CFAP61: variants seen among roughly 807,000 people sequenced by gnomAD.
CFAP61 encodes the protein cilia- and flagella-associated protein 61.
Under a neutral mutation model 135.6 loss-of-function variants are expected in CFAP61, and 107 were observed. The ratio of observed to expected loss-of-function variants is 0.79; its 90% CI spans 0.67 to 0.93. The LOEUF (loss-of-function observed/expected upper bound fraction) is 0.93. Among genes scored for constraint, CFAP61 ranks in the 40% least tolerant of loss-of-function variants. CFAP61 has a pLI of 0.00. For missense variants in CFAP61, 1,507 were observed against 1,556.2 expected, an observed-to-expected ratio of 0.97 and a Z score of 0.53; for synonymous variants, 575 against 578.5, an observed-to-expected ratio of 0.99 and a Z score of 0.09.
At position 20,075,615 on chromosome 20, in the gene CFAP61, G is replaced by C; in HGVS notation, c.566G>C (p.Arg189Thr). ...CCTCAGCTGCACGTTCGCAAAGCCA[G>C]GTACAGTTGGAGTCATGCCTTGTGT... ...HYPQLHVRKA[R>T]VEDHDDLMPI... Residue 189 changes from arginine (R) to threonine (T), a missense_variant and splice_region_variant, in exon 6 of 27, where the codon AGG becomes ACG. Coordinates refer to ENST00000245957, the MANE Select transcript of CFAP61 (RefSeq NM_015585.4). The C allele has an allele frequency of 6.2e-7, 1 of 1,614,062 alleles. No homozygotes were observed. The highest frequency in any genetic ancestry group is 8.5e-7 in the Non-Finnish European group (1 of 1,179,928).
intron 18 of CFAP61, among the ~76,000 whole-genome samples, chr20:20,238,338 G>A (rs1292469403): frequency 6.6e-6 from 1 of 152,146 alleles, no homozygotes; most frequent in East Asian, 1.9e-4. Flanking sequence ...ATGTAGATAG[G>A]TTAAATATCT....
rs750350628 is a variant in CFAP61 at position 20,298,141 on chromosome 20, G to A, written c.3217-40G>A. ...GATAAAGTTCCCAAAATCCAGGAAT[G>A]TTTCTAATGTTGTTTTTCTTGTCCA... is the stretch of plus-strand genomic sequence containing the variant. On this transcript the variant is annotated intron_variant, in intron 24 of 26. Coordinates refer to ENST00000245957, the MANE Select transcript of CFAP61 (RefSeq NM_015585.4). The A allele has an allele frequency of 9.9e-6, 14 of 1,408,228 alleles. No individual in the cohort carries two copies. The South Asian group carries it at 1.0e-4, about 10-fold the overall frequency. The allele number at this position is 1,408,228 out of a possible 1,614,324, so 87.2% of individuals were successfully genotyped here.
intron 25 of CFAP61, among the ~76,000 whole-genome samples, chr20:20,323,540 G>T (rs576953878): frequency 6.6e-6 from 1 of 152,304 alleles, no homozygotes; most frequent in African/African-American, 2.4e-5. Context: ...TGATGGCTAA[G>T]ATGTAAACAG....
chr20:20,296,368 ATCCCTCCT>A (rs1416124539), intron 24 of CFAP61, among the ~76,000 whole-genome samples: 17 of 35,250 alleles, frequency 4.8e-4, no homozygotes, highest in Middle Eastern at 0.026. Flanking sequence ...TCCTTTCTTC[ATCCCTCCT>A]TCCCTCCCTC....
intron 8 of CFAP61, among the ~76,000 whole-genome samples, chr20:20,131,315 C>T (rs939669869): frequency 1.4e-5 from 2 of 141,718 alleles, no homozygotes; most frequent in African/African-American, 2.8e-5. Context: ...TTTTTAATTG[C>T]AGTTTATAAT....
chr20:20,080,996 A>G (rs897016106), intron 6 of CFAP61, among the ~76,000 whole-genome samples: 7 of 151,776 alleles, frequency 4.6e-5, no homozygotes, highest in African/African-American at 1.7e-4. Context: ...GCAAGACTCC[A>G]TCTCAAAAAA....
intron 6 of CFAP61, among the ~76,000 whole-genome samples, chr20:20,077,980 A>C (rs1471072203): frequency 6.6e-6 from 1 of 152,236 alleles, no homozygotes; most frequent in Non-Finnish European, 1.5e-5. Context: ...TTCACCACAG[A>C]ATGTAGAATT....
intron 13 of CFAP61, among the ~76,000 whole-genome samples, chr20:20,177,152 A>T (rs2054694209): frequency 6.6e-6 from 1 of 151,422 alleles, no homozygotes; most frequent in Admixed American, 6.6e-5. Flanking sequence ...AGTTTTACAT[A>T]TTTTTTTTCT....
At chr20:20,274,682 A>C (rs1333268512) in intron 21 of CFAP61, among the ~76,000 whole-genome samples, 1 of 152,160 alleles carries the variant, frequency 6.6e-6, no homozygotes, top group Non-Finnish European at 1.5e-5. Context: ...TGAAAATAAA[A>C]AAAAGGCAAG....
intron 13 of CFAP61, among the ~76,000 whole-genome samples, chr20:20,186,323 G>A (rs566424318): frequency 3.9e-5 from 6 of 152,278 alleles, no homozygotes; most frequent in Admixed American, 3.9e-4. Flanking sequence ...TGTTTTTAAA[G>A]TTCATGCATG....
chr20:20,304,884 C>T (rs2056371944), intron 25 of CFAP61, among the ~76,000 whole-genome samples: 2 of 152,036 alleles, frequency 1.3e-5, no homozygotes, highest in African/African-American at 4.8e-5. Context: ...TCTTTCACCC[C>T]CACTTATCGA....
At position 20,159,356 on chromosome 20, in the gene CFAP61, GTCA is replaced by G; in HGVS notation, c.952-9_952-7del. 6.2e-7 allele frequency: 1 copy of G among 1,613,242 alleles called. No individual in the cohort carries two copies. The highest frequency in any genetic ancestry group is 8.5e-7 in the Non-Finnish European group (1 of 1,179,292). On this transcript the variant is annotated splice_polypyrimidine_tract_variant and intron_variant, in intron 9 of 26. Transcript: ENST00000245957. ...TGTCGATTAATTTTCATGTTTTGCTGTCATCATTTCCAGGGAAATATTGCCAGA... is the reference window on the plus strand; with the variant it reads ...TGTCGATTAATTTTCATGTTTTGCTGTCATTTCCAGGGAAATATTGCCAGA...
In CFAP61 at chr20:20,098,637, G is replaced by C. The variant is rs780141171; in HGVS notation, c.700-18G>C. The C allele has an allele frequency of 1.4e-6, 2 of 1,461,960 alleles. No individual in the cohort carries two copies. The highest frequency in any genetic ancestry group is 4.8e-5 in the East Asian group (2 of 42,054). The allele number at this position is 1,461,960 out of a possible 1,614,324, so 90.6% of individuals were successfully genotyped here. On this transcript the variant is annotated intron_variant, in intron 7 of 26. Transcript: ENST00000245957. ...AAAAAAAAAAAAAAAGAATAATGAG[G>C]TGTTTTGGATATTTCAGGTGGAAGG... is the stretch of plus-strand genomic sequence containing the variant.
intron 25 of CFAP61, among the ~76,000 whole-genome samples, chr20:20,306,736 G>C (rs1366658225): frequency 1.3e-5 from 2 of 152,122 alleles, no homozygotes; most frequent in Non-Finnish European, 2.9e-5. Context: ...GCCCTTTCCA[G>C]GCAGGCAGAG....
At chr20:20,120,450 T>A (rs1600764683) in intron 8 of CFAP61, among the ~76,000 whole-genome samples, 1 of 152,364 alleles carries the variant, frequency 6.6e-6, no homozygotes, top group African/African-American at 2.4e-5. Context: ...TTTCTCTTTT[T>A]ATTGATTTCT....
At chr20:20,238,377 C>T (rs2049755022) in intron 18 of CFAP61, among the ~76,000 whole-genome samples, 2 of 152,118 alleles carry the variant, frequency 1.3e-5, no homozygotes, top group Admixed American at 1.3e-4. Flanking sequence ...TTTTCATTGG[C>T]AAATATTTTT....
chr20:20,258,760 A>ACCTGACTGC (rs2051883851), intron 20 of CFAP61, among the ~76,000 whole-genome samples: 1 of 152,192 alleles, frequency 6.6e-6, no homozygotes, highest in African/African-American at 2.4e-5. Context: ...GCGGGAGAGC[A>ACCTGACTGC]CCTGACTGCC....
intron 25 of CFAP61, among the ~76,000 whole-genome samples, chr20:20,307,057 A>G (rs2056519235): frequency 6.6e-6 from 1 of 152,192 alleles, no homozygotes; most frequent in Admixed American, 6.5e-5. Flanking sequence ...CCTCTCAGTT[A>G]TCCATAGCCC....
chr20:20,100,232 G>A (rs2047922437), intron 8 of CFAP61, among the ~76,000 whole-genome samples: 1 of 151,768 alleles, frequency 6.6e-6, no homozygotes, highest in South Asian at 2.1e-4. Context: ...GAGTGCAATG[G>A]TGTGATCTTG....
Sources: allele counts gnomAD v4.1 joint callset (sites outside exome capture counted in the v4.1 genomes callset), GRCh38; gene constraint gnomAD v4.1.1; transcripts MANE v1.5; gene names NCBI Gene and HGNC (gene_info 2026-07-23, HGNC 2026-07-21).